The following GRK2 variants were observed in gnomAD, a reference collection of about 807,000 sequenced individuals.
The protein encoded by GRK2 is G protein-coupled receptor kinase 2, also known as adrenergic beta receptor kinase 1.
A neutral mutation model predicts 97.8 loss-of-function variants in GRK2; 23 were observed. That is an observed-to-expected ratio of 0.24 (90% CI 0.17 to 0.33). The LOEUF is 0.33. GRK2 is among the 10% of genes least tolerant of loss of function. GRK2 has a pLI of 1.00. For missense variants in GRK2, 633 were observed against 956.9 expected (o/e 0.66, Z 4.47); for synonymous variants, 425 against 381.7 (o/e 1.11, Z -1.32).
rs754108764 is a variant in GRK2, at chr11:67,285,461, C to T, written c.*11C>T. 3.5e-5 allele frequency: 54 copies of T among 1,526,494 alleles called. No homozygotes were observed. The East Asian group carries it at 3.9e-4, about 11-fold the overall frequency. The allele number at this position is 1,526,494 out of a possible 1,614,324, so 94.6% of individuals were successfully genotyped here. ...GCCAACGGCCTCTGACCCGCCCACC[C>T]GCCTTTTATAAACCTCTAATTTATT... is the stretch of plus-strand genomic sequence containing the variant. On this transcript the variant is annotated 3_prime_UTR_variant, in exon 21 of 21. Transcript: ENST00000308595.
intron 1 of GRK2, 115 bp downstream of exon 1, chr11:67,266,927 C>G: frequency 2.7e-6 from 1 of 365,414 alleles, no homozygotes; most frequent in Admixed American, 5.2e-5. Context: ...CCGGCTCTCG[C>G]AACCCCCTGT....
In GRK2 at chr11:67,286,061, C is replaced by T. The variant is rs139124988; in HGVS notation, c.*611C>T. The T allele has an allele frequency of 9.7e-6, 3 of 309,248 alleles. No homozygotes were observed. The East Asian group carries it at 2.2e-4, about 23-fold the overall frequency. The allele number at this position is 309,248 out of a possible 1,614,324, so 19.2% of individuals were successfully genotyped here. On this transcript the variant is annotated 3_prime_UTR_variant, in exon 21 of 21. Coordinates refer to ENST00000308595, the MANE Select transcript of GRK2 (RefSeq NM_001619.5). Reference sequence around the variant, plus strand: ...CTGCGGGGCTTGGCTGAGAGAGTGGCATTGGCAGCAGGTGCTGCTACCCTC... The same window carrying T: ...CTGCGGGGCTTGGCTGAGAGAGTGGTATTGGCAGCAGGTGCTGCTACCCTC...
intron 1 of GRK2, among the ~76,000 whole-genome samples, chr11:67,268,586 C>T (rs969565513): frequency 2.0e-5 from 3 of 152,122 alleles, no homozygotes; most frequent in Admixed American, 6.5e-5. Flanking sequence ...AACTGTGAGG[C>T]GGGGCCTTTT....
intron 1 of GRK2, among the ~76,000 whole-genome samples, chr11:67,267,119 C>G (rs1037737654): frequency 2.6e-5 from 4 of 152,176 alleles, no homozygotes; most frequent in Non-Finnish European, 5.9e-5. Context: ...CACCGGCCCC[C>G]CGAAGTCGCT....
intron 7 of GRK2, 50 bp downstream of exon 7, chr11:67,280,833 C>T: frequency 6.3e-7 from 1 of 1,592,996 alleles, no homozygotes; most frequent in Non-Finnish European, 8.6e-7. Flanking sequence ...TGCTGCTCCT[C>T]TCCCGGGAGC....
intron 1 of GRK2, among the ~76,000 whole-genome samples, chr11:67,270,132 C>T (rs1859876008): frequency 6.6e-6 from 1 of 152,222 alleles, no homozygotes; most frequent in Non-Finnish European, 1.5e-5. Context: ...CTCTCAGGGT[C>T]TGTGGTCTGG....
At position 67,282,061 on chromosome 11, in the gene GRK2, C is replaced by G; in HGVS notation, c.957+109C>G. 3.5e-6 allele frequency: 5 copies of G among 1,428,036 alleles called. No individual in the cohort carries two copies. The Admixed American group carries it at 9.4e-5, about 27-fold the overall frequency. The allele number at this position is 1,428,036 out of a possible 1,614,324, so 88.5% of individuals were successfully genotyped here. On this transcript the variant is annotated intron_variant, in intron 11 of 20. Transcript: ENST00000308595. The surrounding 1 kb of genome is among the most constrained non-coding windows in gnomAD (Gnocchi z 6.9). ...AGTGGGGCTCCTGGGACATGGCCGCCCCGTATCTTCCCATCTCCGCCCCTG... is the reference window on the plus strand; with the variant it reads ...AGTGGGGCTCCTGGGACATGGCCGCGCCGTATCTTCCCATCTCCGCCCCTG...
rs2136488496 is a variant in GRK2, at chr11:67,269,980, T to C, written c.113+3168T>C. ...GACCTTCTTGTAGAAGGAGGTAGCGTAAGGCAGCATTGTGTATCTGGAAGA... is the reference window on the plus strand; with the variant it reads ...GACCTTCTTGTAGAAGGAGGTAGCGCAAGGCAGCATTGTGTATCTGGAAGA... On this transcript the variant is annotated intron_variant, in intron 1 of 20. Coordinates refer to ENST00000308595, the MANE Select transcript of GRK2 (RefSeq NM_001619.5). The surrounding 1 kb of genome is among the most constrained non-coding windows in gnomAD (Gnocchi z 4.1). 6.6e-6 allele frequency among the ~76,000 whole-genome samples: 1 copy of C among 152,326 alleles called. No homozygotes were observed. Among genetic ancestry groups the C allele is most frequent in the Middle Eastern group, 3.4e-3 (1 of 294 alleles).
intron 6 of GRK2, chr11:67,280,219 G>A (rs527324315): frequency 2.3e-6 from 1 of 440,352 alleles, no homozygotes; most frequent in Non-Finnish European, 4.2e-6. Flanking sequence ...CACCTGGACT[G>A]AGAAGCATCA....
At chr11:67,280,646 G>A in intron 6 of GRK2, 86 bp from the exon 7 acceptor site, 2 of 1,465,346 alleles carry the variant, frequency 1.4e-6, no homozygotes, top group Non-Finnish European at 1.9e-6. Context: ...GGACCCCAGG[G>A]AGTGGCGGCT....
chr11:67,267,216 C>A (rs540862442), intron 1 of GRK2, among the ~76,000 whole-genome samples: 1 of 152,236 alleles, frequency 6.6e-6, no homozygotes, highest in Admixed American at 6.5e-5. Flanking sequence ...CTGTGGGGTC[C>A]CCTCCCCTCC....
At chr11:67,277,552 G>C (rs1860058122) in intron 2 of GRK2, among the ~76,000 whole-genome samples, 1 of 152,248 alleles carries the variant, frequency 6.6e-6, no homozygotes, top group Admixed American at 6.5e-5. Context: ...GGAGCCCCGT[G>C]GTGGGGGTGG....
Position 67,281,264 on chromosome 11 carries a change from G to A in GRK2, c.647+80G>A. On this transcript the variant is annotated intron_variant, in intron 8 of 20. Transcript: ENST00000308595. The surrounding 1 kb of genome is among the most constrained non-coding windows in gnomAD (Gnocchi z 5.7). Reference sequence around the variant, plus strand: ...ACCCTGACAGGCCGGGTTCCACACAGGGCCACCTGCTGCTCCATGCACTCC... The same window carrying A: ...ACCCTGACAGGCCGGGTTCCACACAAGGCCACCTGCTGCTCCATGCACTCC... 7.6e-7 allele frequency: 1 copy of A among 1,313,816 alleles called. No homozygotes were observed. The highest frequency in any genetic ancestry group is 1.1e-6 in the Non-Finnish European group (1 of 926,382). The allele number at this position is 1,313,816 out of a possible 1,614,324, so 81.4% of individuals were successfully genotyped here.
Position 67,285,055 on chromosome 11 carries a change from A to G in GRK2, c.1792-20A>G. 6.2e-7 allele frequency: 1 copy of G among 1,612,614 alleles called. No individual in the cohort carries two copies. The highest frequency in any genetic ancestry group is 8.5e-7 in the Non-Finnish European group (1 of 1,179,746). On this transcript the variant is annotated intron_variant, in intron 19 of 20. Transcript: ENST00000308595. ...GGCCGGCCCGGCTCTTACCTGCACCACCCATCCCTGGCCCTGCAGCAGAGC... is the reference window on the plus strand; with the variant it reads ...GGCCGGCCCGGCTCTTACCTGCACCGCCCATCCCTGGCCCTGCAGCAGAGC...
intron 1 of GRK2, among the ~76,000 whole-genome samples, chr11:67,272,786 A>G (rs1859937866): frequency 1.3e-5 from 2 of 152,254 alleles, no homozygotes; most frequent in Non-Finnish European, 1.5e-5. Context: ...CTGGGCCCGC[A>G]GTAGAGCAAT....
In GRK2 at chr11:67,281,634, T is replaced by G; in HGVS notation, c.748-16T>G. Reference sequence around the variant, plus strand: ...CCTGCTAACTGCCCGCCCCCTCCCCTCCTCTCCCCTCCTAGGACTGCCCAT... The same window carrying G: ...CCTGCTAACTGCCCGCCCCCTCCCCGCCTCTCCCCTCCTAGGACTGCCCAT... On this transcript the variant is annotated splice_polypyrimidine_tract_variant and intron_variant, in intron 9 of 20. Transcript: ENST00000308595. This position sits in a 1 kb window ranked among gnomAD's most constrained non-coding sequence, Gnocchi z 5.7. 1.4e-5 allele frequency: 8 copies of G among 578,438 alleles called. No individual in the cohort carries two copies. The highest frequency in any genetic ancestry group is 2.3e-5 in the Non-Finnish European group (8 of 355,268). 35.8% of individuals were successfully genotyped at this position (578,438 alleles called of 1,614,324 possible).
At position 67,276,853 on chromosome 11, in the gene GRK2, T is replaced by C; in HGVS notation, c.114-419T>C. The C allele has an allele frequency of 6.3e-6, 1 of 159,384 alleles. No homozygotes were observed. The highest frequency in any genetic ancestry group is 1.6e-4 in the South Asian group (1 of 6,388). The allele number at this position is 159,384 out of a possible 1,614,324, so 9.9% of individuals were successfully genotyped here. A position where few individuals can be genotyped will look rare whatever the true frequency, so the allele number is the denominator to read the frequency against. On this transcript the variant is annotated intron_variant, in intron 1 of 20. Transcript: ENST00000308595. The surrounding 1 kb of genome is among the most constrained non-coding windows in gnomAD (Gnocchi z 4.2). ...CAAGGCTCATCCACGTTGTGGCCCC[T>C]GTTGGTGCCTTGTTCCTTTTTACAG...
intron 1 of GRK2, among the ~76,000 whole-genome samples, chr11:67,272,097 A>C (rs1859922116): frequency 6.6e-6 from 1 of 152,188 alleles, no homozygotes; most frequent in African/African-American, 2.4e-5. Context: ...CACAGGAAGC[A>C]TGGCCCCTGG....
Position 67,282,005 on chromosome 11 carries a change from C to G in GRK2, c.957+53C>G. 6.2e-7 allele frequency: 1 copy of G among 1,607,194 alleles called. No individual in the cohort carries two copies. The highest frequency in any genetic ancestry group is 1.1e-5 in the South Asian group (1 of 90,694). On this transcript the variant is annotated intron_variant, in intron 11 of 20. Transcript: ENST00000308595. The surrounding 1 kb of genome is among the most constrained non-coding windows in gnomAD (Gnocchi z 6.9). ...GACCTCCGTGGCTGTCCTCTCCTTCCTCTCGACATCCCGGCCACCAGGCCC... is the reference window on the plus strand; with the variant it reads ...GACCTCCGTGGCTGTCCTCTCCTTCGTCTCGACATCCCGGCCACCAGGCCC...
Sources: allele counts gnomAD v4.1 joint callset (sites outside exome capture counted in the v4.1 genomes callset), GRCh38; gene constraint gnomAD v4.1.1; non-coding constraint Gnocchi (gnomAD v3.1); transcripts MANE v1.5; gene names NCBI Gene and HGNC (gene_info 2026-07-23, HGNC 2026-07-21).